Variants in KIF25 observed in about 807,000 individuals in gnomAD.
KIF25 encodes kinesin-like protein KIF25.
KIF25 carries 19 observed loss-of-function variants against 32.9 expected under a neutral mutation model. The ratio of observed to expected loss-of-function variants is 0.58; its 90% CI spans 0.40 to 0.85. The LOEUF (loss-of-function observed/expected upper bound fraction) is 0.85. KIF25 is among the 40% of genes least tolerant of loss of function. KIF25 has a pLI of 0.00. For synonymous variants in KIF25, 225 were observed against 213.7 expected, an observed-to-expected ratio of 1.05 and a Z score of -0.46; for missense variants, 485 against 507.0, an observed-to-expected ratio of 0.96 and a Z score of 0.42.
At chr6:168,037,947 C>G (rs746465523) in intron 8 of KIF25, among the ~76,000 whole-genome samples, 21 of 152,246 alleles carry the variant, frequency 1.4e-4, no homozygotes, top group Admixed American at 3.9e-4. Flanking sequence ...ATCTCTTGAC[C>G]TCATGATCCA....
intron 4 of KIF25, among the ~76,000 whole-genome samples, chr6:168,007,796 T>C (rs1293246983): frequency 6.6e-6 from 1 of 152,152 alleles, no homozygotes; most frequent in East Asian, 1.9e-4. Flanking sequence ...GCCACAGGAA[T>C]TTAGGAAGCT....
At chr6:168,018,081 A>G (rs1798740217) in intron 5 of KIF25, 41 bp downstream of exon 5, 1 of 152,630 alleles carries the variant, frequency 6.6e-6, no homozygotes, top group African/African-American at 2.4e-5. Flanking sequence ...AAACTTCCAT[A>G]TTAAAAATAC....
chr6:168,027,699 G>A lies in KIF25; in HGVS notation c.-94-1793G>A, dbSNP rs75211792. On this transcript the variant is annotated intron_variant, in intron 5 of 12. Coordinates refer to ENST00000643607, the MANE Select transcript of KIF25 (RefSeq NM_030615.4). The stretch of plus-strand genomic sequence containing the variant: ...CCCGGACAGCCGCGTGGGCAAGGCC[G>A]GCTTCCCTCCACATCCCCACGGAGC... 6.0e-3 allele frequency among the ~76,000 whole-genome samples: 915 copies of A among 152,240 alleles called. 13 individuals carry two copies. Among genetic ancestry groups the A allele is most frequent in the African/African-American group, 0.021 (866 of 41,554 alleles).
At chr6:168,020,882 T>G (rs1798778976) in intron 5 of KIF25, among the ~76,000 whole-genome samples, 1 of 152,214 alleles carries the variant, frequency 6.6e-6, no homozygotes, top group African/African-American at 2.4e-5. Context: ...AGGAAAGCTG[T>G]TCTATATCTC....
At chr6:168,040,003 A>T (rs2114912327) in intron 9 of KIF25, 62 bp from the exon 10 acceptor site, 1 of 1,537,908 alleles carries the variant, frequency 6.5e-7, no homozygotes, top group Middle Eastern at 2.3e-4. Flanking sequence ...GGAGTCTTGG[A>T]AGTCGCCTTA....
chr6:168,036,402 GCCCCGCCCCT>G (rs555270496), intron 8 of KIF25, among the ~76,000 whole-genome samples: 195 of 152,304 alleles, frequency 1.3e-3, no homozygotes, highest in African/African-American at 4.3e-3. Flanking sequence ...ACAAAGCCTG[GCCCCGCCCCT>G]CCCCGCCCCA....
intron 4 of KIF25, among the ~76,000 whole-genome samples, chr6:168,015,276 C>T (rs1415555726): frequency 1.3e-5 from 2 of 152,078 alleles, no homozygotes; most frequent in Non-Finnish European, 2.9e-5. Flanking sequence ...TCACGGGTCT[C>T]CTCTTCCTCT....
At chr6:168,036,418 C>G (rs1025275524) in intron 8 of KIF25, among the ~76,000 whole-genome samples, 3 of 152,220 alleles carry the variant, frequency 2.0e-5, no homozygotes, top group African/African-American at 7.2e-5. Flanking sequence ...CCCCTCCCCG[C>G]CCCAGAGAGT....
intron 5 of KIF25, among the ~76,000 whole-genome samples, chr6:168,027,621 G>A (rs1798881296): frequency 1.3e-5 from 2 of 152,248 alleles, no homozygotes; most frequent in East Asian, 1.9e-4. Flanking sequence ...TGGGTGCTGG[G>A]GGTGCCAGGT....
chr6:168,024,115 T>C (rs1377207591), intron 5 of KIF25, among the ~76,000 whole-genome samples: 2 of 151,338 alleles, frequency 1.3e-5, no homozygotes, highest in Admixed American at 1.3e-4. Context: ...GGATTTAATT[T>C]GTAAGAGCAA....
At chr6:168,028,148 C>A (rs970643236) in intron 5 of KIF25, among the ~76,000 whole-genome samples, 1 of 152,014 alleles carries the variant, frequency 6.6e-6, no homozygotes, top group African/African-American at 2.4e-5. Context: ...CTTTTTATAT[C>A]TATTCATTTA....
Position 168,045,091 on chromosome 6 carries a change from A to G in KIF25, c.*95A>G, listed in dbSNP as rs1207654194. 28 of 1,251,756 alleles carry G rather than the reference A, an allele frequency of 2.2e-5. No individual in the cohort carries two copies. Among genetic ancestry groups the G allele is most frequent in the South Asian group, 3.1e-5 (2 of 63,544 alleles). 77.5% of individuals were successfully genotyped at this position (1,251,756 alleles called of 1,614,324 possible). A position where few individuals can be genotyped will look rare whatever the true frequency, so the allele number is the denominator to read the frequency against. ...AATAAACAGGTTTCACGTGGACTCA[A>G]TAAACCTGGCTTTATTCCAAAGCAC... On this transcript the variant is annotated 3_prime_UTR_variant, in exon 13 of 13. Transcript: ENST00000643607.
At position 168,030,795 on chromosome 6, in the gene KIF25, C is replaced by A. The variant is rs149411206; in HGVS notation, c.115C>A (p.Gln39Lys). 3,444 of 1,613,138 alleles carry A rather than the reference C, an allele frequency of 2.1e-3. 70 individuals carry two copies. The African/African-American group carries it at 0.04, about 19-fold the overall frequency. ...CAGGGTTTATGGTCCAGCAGAGTCT[C>A]AGAGCGCGGTCTTTGGAGATGTGTG... ...DLRVYGPAES[Q>K]SAVFGDVCPL... is the part of the protein sequence containing the mutation. Residue 39 changes from glutamine (Q) to lysine (K), a missense_variant, in exon 7 of 13, where the codon CAG becomes AAG. This residue lies in a region of KIF25 where 480 missense variants were observed against 470.3 expected (regional missense o/e 1.02). Coordinates refer to ENST00000643607, the MANE Select transcript of KIF25 (RefSeq NM_030615.4).
chr6:168,027,354 G>A (rs1220709645), intron 5 of KIF25, among the ~76,000 whole-genome samples: 1 of 151,298 alleles, frequency 6.6e-6, no homozygotes, highest in African/African-American at 2.4e-5. Flanking sequence ...TTGAGAGGCT[G>A]AGGCAGGGAG....
chr6:168,038,536 T>C lies in KIF25; in HGVS notation c.318-17T>C, dbSNP rs760827079. On this transcript the variant is annotated splice_polypyrimidine_tract_variant and intron_variant, in intron 8 of 12. Coordinates refer to ENST00000643607, the MANE Select transcript of KIF25 (RefSeq NM_030615.4). ...TGTGAGACTTTCTGTAAGTTTCTCTTGTGTGTTTTCCCGCAGGCTCATTTT... is the reference window on the plus strand; with the variant it reads ...TGTGAGACTTTCTGTAAGTTTCTCTCGTGTGTTTTCCCGCAGGCTCATTTT... 3.7e-6 allele frequency: 6 copies of C among 1,613,116 alleles called. No individual in the cohort carries two copies. Among genetic ancestry groups the C allele is most frequent in the Non-Finnish European group, 5.1e-6 (6 of 1,179,344 alleles).
rs1210122105 is a variant in KIF25 at position 168,042,712 on chromosome 6, C to T, written c.981C>T (p.Cys327=). The T allele has an allele frequency of 1.2e-6, 2 of 1,608,848 alleles. No homozygotes were observed. The highest frequency in any genetic ancestry group is 1.3e-5 in the African/African-American group (1 of 74,844). Residue 327 remains cysteine, a synonymous_variant, in exon 12 of 13, where the codon TGC becomes TGT. Coordinates refer to ENST00000643607, the MANE Select transcript of KIF25 (RefSeq NM_030615.4). The part of the protein sequence containing the change: ...NSRLTHLLQD[C]LGGDAKLLVI... ...GGCTCACCCACCTCCTTCAGGACTG[C>T]CTCGGTAACCGTTTTCCCCAAAATG...
chr6:168,036,781 G>C (rs1428820168), intron 8 of KIF25, among the ~76,000 whole-genome samples: 1 of 152,192 alleles, frequency 6.6e-6, no homozygotes, highest in African/African-American at 2.4e-5. Context: ...TCTAGTTTAG[G>C]CTGGGCATGG....
intron 4 of KIF25, among the ~76,000 whole-genome samples, chr6:168,006,056 G>T (rs1161801162): frequency 6.6e-6 from 1 of 152,206 alleles, no homozygotes; most frequent in Non-Finnish European, 1.5e-5. Flanking sequence ...AAGCTGGAGT[G>T]CTCTGCATGA....
chr6:168,038,570 C>G lies in KIF25; in HGVS notation c.335C>G (p.Thr112Ser). The G allele has an allele frequency of 1.2e-6, 2 of 1,613,790 alleles. No individual in the cohort carries two copies. Among genetic ancestry groups the G allele is most frequent in the Non-Finnish European group, 1.7e-6 (2 of 1,179,974 alleles). ...EELFRLILEN[T>S]SRSPKVEVSI... The stretch of plus-strand genomic sequence containing the variant: ...TCCCGCAGGCTCATTTTGGAAAATA[C>G]CTCAAGAAGCCCAAAGGTTGAAGTC... Residue 112 changes from threonine (T) to serine (S), a missense_variant, in exon 9 of 13, where the codon ACC (threonine) becomes AGC (serine). By Grantham distance (58) the Thr-to-Ser change is moderately conservative (BLOSUM62 1). This residue lies in a region of KIF25 where 480 missense variants were observed against 470.3 expected (regional missense o/e 1.02). Coordinates refer to ENST00000643607, the MANE Select transcript of KIF25 (RefSeq NM_030615.4).
Sources: gnomAD v4.1 joint callset for allele counts (sites outside exome capture counted in the v4.1 genomes callset) on GRCh38, gnomAD v4.1.1 for gene constraint, gnomAD v4.1.1 regional missense constraint, MANE v1.5 for transcripts, NCBI Gene and HGNC (gene_info 2026-07-23, HGNC 2026-07-21) for gene names.